The following IFT43 variants were observed in gnomAD, a reference collection of about 807,000 sequenced individuals.
IFT43 encodes intraflagellar transport 43.
A neutral mutation model predicts 32.3 loss-of-function variants in IFT43; 33 were observed. That is an observed-to-expected ratio of 1.02 (90% confidence interval 0.77 to 1.37). The LOEUF (loss-of-function observed/expected upper bound fraction) is 1.37, where lower values mean the gene tolerates loss of function less well. Among genes scored for constraint, IFT43 ranks in the 40% most tolerant of loss-of-function variants. IFT43 has a pLI of 0.00. For synonymous variants in IFT43, 93 were observed against 98.2 expected, an observed-to-expected ratio of 0.95 and a Z score of 0.31; for missense variants, 274 against 265.9, an observed-to-expected ratio of 1.03 and a Z score of -0.21.
chr14:76,078,917 T>G (rs17183963), intron 5 of IFT43, among the ~76,000 whole-genome samples: 15,295 of 152,270 alleles, frequency 0.1, 878 homozygotes, highest in Middle Eastern at 0.15. Flanking sequence ...GGTGCCTTTT[T>G]TCCATTCTGC....
At chr14:75,992,051 T>C (rs1594800026) in intron 2 of IFT43, among the ~76,000 whole-genome samples, 1 of 152,228 alleles carries the variant, frequency 6.6e-6, no homozygotes. Context: ...CATGCAAACG[T>C]AAATATGGTA....
chr14:76,082,715 AG>A (rs2037533800), intron 7 of IFT43, 23 bp downstream of exon 7: 1 of 1,518,238 alleles, frequency 6.6e-7, no homozygotes, highest in South Asian at 1.1e-5. Flanking sequence ...GCTTCTGCAT[AG>A]AGAGGCGGGC....
intron 2 of IFT43, among the ~76,000 whole-genome samples, chr14:75,990,512 G>A (rs2035616206): frequency 6.6e-6 from 1 of 152,220 alleles, no homozygotes; most frequent in African/African-American, 2.4e-5. Flanking sequence ...CTGTCACAGT[G>A]CCTGGCAGAA....
intron 1 of IFT43, 146 bp from the exon 2 acceptor site, chr14:75,988,739 G>A (rs962807281): frequency 8.9e-7 from 1 of 1,124,298 alleles, no homozygotes; most frequent in African/African-American, 1.5e-5. Context: ...AGGATGGTCT[G>A]GATCTCCTGA....
intron 2 of IFT43, among the ~76,000 whole-genome samples, chr14:76,007,302 C>T (rs2035997564): frequency 6.6e-6 from 1 of 152,312 alleles, no homozygotes; most frequent in African/African-American, 2.4e-5. Flanking sequence ...GTGAAACCTG[C>T]AGTGTCCCTG....
intron 7 of IFT43, 94 bp downstream of exon 7, chr14:76,082,786 C>A (rs1286243554): frequency 1.1e-6 from 1 of 940,562 alleles, no homozygotes; most frequent in Non-Finnish European, 1.8e-6. Context: ...TATACAGCGC[C>A]TCCACCAGTC....
chr14:75,991,388 A>AGTGTGTGTGTGTGTGTGT, intron 2 of IFT43, among the ~76,000 whole-genome samples: 2 of 141,998 alleles, frequency 1.4e-5, no homozygotes, highest in East Asian at 4.1e-4. Flanking sequence ...TATTAACAAG[A>AGTGTGTGTGTGTGTGTGT]GTGTGTGTGT....
intron 5 of IFT43, among the ~76,000 whole-genome samples, chr14:76,076,028 C>T (rs2037406091): frequency 6.6e-6 from 1 of 152,236 alleles, no homozygotes; most frequent in Non-Finnish European, 1.5e-5. Flanking sequence ...CCTTAAGCAG[C>T]ATGTCCAGAT....
At chr14:76,083,055 T>C (rs1001891951) in intron 7 of IFT43, 172 bp from the exon 8 acceptor site, 3 of 201,966 alleles carry the variant, frequency 1.5e-5, no homozygotes, top group Non-Finnish European at 2.6e-5. Context: ...CCTTCCCTCA[T>C]TTCTCAGTGG....
intron 5 of IFT43, among the ~76,000 whole-genome samples, chr14:76,064,503 T>C (rs1382582576): frequency 6.6e-6 from 1 of 152,164 alleles, no homozygotes; most frequent in Non-Finnish European, 1.5e-5. Context: ...GCATGGAAAT[T>C]GTAATGCTAG....
intron 4 of IFT43, 146 bp from the exon 5 acceptor site, chr14:76,059,181 A>G (rs2037083162): frequency 2.4e-5 from 38 of 1,581,878 alleles, no homozygotes; most frequent in Non-Finnish European, 3.2e-5. Flanking sequence ...CAGTGGCCTA[A>G]TTAGGTTTGA....
intron 1 of IFT43, among the ~76,000 whole-genome samples, chr14:75,988,347 G>A (rs2035570031): frequency 2.0e-5 from 3 of 152,292 alleles, no homozygotes; most frequent in South Asian, 2.1e-4. Context: ...GGGCAACAGA[G>A]TGAGAACCTG....
chr14:76,069,259 G>A (rs1381379676), intron 5 of IFT43, among the ~76,000 whole-genome samples: 2 of 152,162 alleles, frequency 1.3e-5, no homozygotes, highest in African/African-American at 4.8e-5. Context: ...TCACTATCTC[G>A]AGGACAGCAC....
intron 2 of IFT43, among the ~76,000 whole-genome samples, chr14:75,992,223 A>AT (rs2035657592): frequency 6.6e-6 from 1 of 152,188 alleles, no homozygotes; most frequent in African/African-American, 2.4e-5. Context: ...AATTGCCTGG[A>AT]TTGTGATTAA....
At chr14:76,057,308 C>T (rs533237275) in intron 3 of IFT43, among the ~76,000 whole-genome samples, 3 of 151,948 alleles carry the variant, frequency 2.0e-5, no homozygotes, top group Non-Finnish European at 2.9e-5. Flanking sequence ...CTTGGCTCAC[C>T]GCAACCTCCA....
intron 3 of IFT43, chr14:76,058,324 A>G: frequency 2.8e-6 from 1 of 354,256 alleles, no homozygotes; most frequent in East Asian, 7.3e-5. Flanking sequence ...TCTATAAATC[A>G]GTCAGTTAAT....
chr14:76,075,562 T>TAGTA (rs2037398397), intron 5 of IFT43, among the ~76,000 whole-genome samples: 3 of 152,364 alleles, frequency 2.0e-5, no homozygotes, highest in Admixed American at 1.3e-4. Flanking sequence ...TGGTATTTGG[T>TAGTA]TACTGGAGCG....
chr14:76,032,507 A>G (rs2036526350), intron 3 of IFT43, among the ~76,000 whole-genome samples: 1 of 152,126 alleles, frequency 6.6e-6, no homozygotes. Context: ...TGTGGTCCCC[A>G]TTGCCTGCTT....
intron 1 of IFT43, 94 bp from the exon 2 acceptor site, chr14:75,988,791 T>G: frequency 6.3e-7 from 1 of 1,597,590 alleles, no homozygotes; most frequent in Non-Finnish European, 8.5e-7. Flanking sequence ...GTGCTGGGAT[T>G]GCAGCTGTGA....
Sources: gnomAD v4.1 joint callset for allele counts (sites outside exome capture counted in the v4.1 genomes callset) on GRCh38, gnomAD v4.1.1 for gene constraint, MANE v1.5 for transcripts, NCBI Gene and HGNC (gene_info 2026-07-23, HGNC 2026-07-21) for gene names.